STXBP5L: variants seen among roughly 807,000 people sequenced by gnomAD.
STXBP5L encodes syntaxin-binding protein 5-like.
Under a neutral mutation model 144.5 loss-of-function variants are expected in STXBP5L, and 65 were observed. The ratio of observed to expected loss-of-function variants is 0.45; its 90% CI spans 0.37 to 0.55. The LOEUF (loss-of-function observed/expected upper bound fraction) is 0.55, where lower values mean the gene tolerates loss of function less well. STXBP5L is among the 20% of genes least tolerant of loss of function. STXBP5L has a pLI of 0.00. For missense variants in STXBP5L, 1,298 were observed against 1,405.5 expected (o/e 0.92, Z 1.22); for synonymous variants, 505 against 469.6 (o/e 1.08, Z -0.97).
chr3:121,372,519 C>T (rs568827671), intron 20 of STXBP5L, among the ~76,000 whole-genome samples: 1 of 152,290 alleles, frequency 6.6e-6, no homozygotes, highest in African/African-American at 2.4e-5. Context: ...TGCTGGGATT[C>T]CAGAGGCCCA....
At chr3:121,003,488 C>A (rs1261238435) in intron 3 of STXBP5L, among the ~76,000 whole-genome samples, 1 of 152,162 alleles carries the variant, frequency 6.6e-6, no homozygotes, top group Non-Finnish European at 1.5e-5. Context: ...AAAATTTTCT[C>A]CCATGCTCTA....
At chr3:120,984,262 A>T (rs569888182) in intron 3 of STXBP5L, among the ~76,000 whole-genome samples, 1 of 152,142 alleles carries the variant, frequency 6.6e-6, no homozygotes, top group African/African-American at 2.4e-5. Flanking sequence ...GCCTAAAATG[A>T]CTTTTTCTTT....
chr3:121,041,684 A>G lies in STXBP5L; in HGVS notation c.288-16A>G. 6.3e-7 allele frequency: 1 copy of G among 1,595,476 alleles called. No individual in the cohort carries two copies. The highest frequency in any genetic ancestry group is 8.6e-7 in the Non-Finnish European group (1 of 1,163,874). ...GCTAATTAAAATGTTAGAATCCTTG[A>G]CTTTTATTATATTAGACTCGGGAGA... On this transcript the variant is annotated splice_polypyrimidine_tract_variant and intron_variant, in intron 3 of 26. Coordinates refer to ENST00000471454, the MANE Select transcript of STXBP5L (RefSeq NM_001308330.2).
In STXBP5L at chr3:120,961,380, C is replaced by T. The variant is rs142692270; in HGVS notation, c.287+6343C>T. ...ATGTTTGTAGCTGCACCCATCAACT[C>T]ATCATTTACATTAGGTATTTCTCCT... On this transcript the variant is annotated intron_variant, in intron 3 of 26. Transcript: ENST00000471454. 4.5e-3 allele frequency among the ~76,000 whole-genome samples: 689 copies of T among 151,968 alleles called. 4 individuals are homozygous for T. The highest frequency in any genetic ancestry group is 0.016 in the African/African-American group (658 of 41,464).
At chr3:120,926,356 C>CTTTTT (rs35029446) in intron 2 of STXBP5L, among the ~76,000 whole-genome samples, 6 of 139,738 alleles carry the variant, frequency 4.3e-5, no homozygotes, top group Non-Finnish European at 7.7e-5. Context: ...GATGGCAGTT[C>CTTTTT]TTTTTTTTTT....
At chr3:121,113,386 G>C (rs969183097) in intron 5 of STXBP5L, among the ~76,000 whole-genome samples, 2 of 152,090 alleles carry the variant, frequency 1.3e-5, no homozygotes, top group African/African-American at 4.8e-5. Flanking sequence ...TGACCATCAA[G>C]TTATTTCCTG....
At chr3:121,134,181 A>G (rs1281107217) in intron 7 of STXBP5L, among the ~76,000 whole-genome samples, 1 of 151,896 alleles carries the variant, frequency 6.6e-6, no homozygotes, top group Non-Finnish European at 1.5e-5. Context: ...GCTGGTAGGG[A>G]CTCTGTGGTG....
At chr3:120,991,683 G>T (rs970348340) in intron 3 of STXBP5L, among the ~76,000 whole-genome samples, 2 of 151,812 alleles carry the variant, frequency 1.3e-5, no homozygotes, top group Non-Finnish European at 2.9e-5. Context: ...CCTTTGTAGG[G>T]ACGTGGTTGA....
intron 19 of STXBP5L, among the ~76,000 whole-genome samples, chr3:121,314,357 C>A (rs1047447570): frequency 2.2e-5 from 3 of 136,352 alleles, no homozygotes; most frequent in African/African-American, 5.6e-5. Flanking sequence ...CTCGGGAGGC[C>A]GAGGCTGGCG....
chr3:120,924,373 A>G (rs997632994), intron 2 of STXBP5L, among the ~76,000 whole-genome samples: 1 of 152,206 alleles, frequency 6.6e-6, no homozygotes, highest in East Asian at 1.9e-4. Flanking sequence ...CTATTTATTC[A>G]TATTATTAAA....
At chr3:121,417,248 G>A (rs994306618) in intron 25 of STXBP5L, among the ~76,000 whole-genome samples, 1 of 152,118 alleles carries the variant, frequency 6.6e-6, no homozygotes, top group Non-Finnish European at 1.5e-5. Flanking sequence ...AGATAGTGGT[G>A]ATGGTCGTAC....
chr3:121,324,469 T>C (rs1393181307), intron 20 of STXBP5L: 2 of 671,798 alleles, frequency 3.0e-6, no homozygotes, highest in East Asian at 2.7e-5. Context: ...TCCATGCCAA[T>C]AGTTTTATAT....
intron 9 of STXBP5L, among the ~76,000 whole-genome samples, chr3:121,187,316 C>T (rs1235582336): frequency 6.7e-6 from 1 of 149,844 alleles, no homozygotes; most frequent in Non-Finnish European, 1.5e-5. Flanking sequence ...AAAACAAACA[C>T]TGCATGTTCT....
chr3:121,167,489 G>C (rs748011518), intron 9 of STXBP5L, among the ~76,000 whole-genome samples: 3 of 152,024 alleles, frequency 2.0e-5, no homozygotes, highest in Non-Finnish European at 4.4e-5. Flanking sequence ...CCCACTTTAG[G>C]GAAGTGGCGT....
intron 19 of STXBP5L, among the ~76,000 whole-genome samples, chr3:121,308,077 G>C (rs1195224608): frequency 6.6e-6 from 1 of 152,140 alleles, no homozygotes; most frequent in Non-Finnish European, 1.5e-5. Context: ...CTTATATCCA[G>C]AGGGGAACAA....
chr3:121,265,642 A>G (rs1577333326), intron 18 of STXBP5L, among the ~76,000 whole-genome samples: 1 of 152,208 alleles, frequency 6.6e-6, no homozygotes, highest in South Asian at 2.1e-4. Context: ...TGAAGGTGAT[A>G]GAGACATGGA....
chr3:121,160,124 AG>A (rs1314918441), intron 9 of STXBP5L, among the ~76,000 whole-genome samples: 1 of 152,180 alleles, frequency 6.6e-6, no homozygotes, highest in Non-Finnish European at 1.5e-5. Flanking sequence ...CAAATAGGTC[AG>A]GGTAGTTGAT....
chr3:120,964,100 T>C (rs1394437553), intron 3 of STXBP5L, among the ~76,000 whole-genome samples: 1 of 152,250 alleles, frequency 6.6e-6, no homozygotes, highest in Non-Finnish European at 1.5e-5. Context: ...TTTGTATTTC[T>C]GCAGGATCGG....
intron 19 of STXBP5L, among the ~76,000 whole-genome samples, chr3:121,302,112 G>C (rs1370009995): frequency 1.3e-5 from 2 of 152,190 alleles, no homozygotes; most frequent in African/African-American, 4.8e-5. Flanking sequence ...AATAGTTTCA[G>C]AAGGAATGAT....
Sources: allele counts gnomAD v4.1 joint callset (sites outside exome capture counted in the v4.1 genomes callset), GRCh38; gene constraint gnomAD v4.1.1; transcripts MANE v1.5; gene names NCBI Gene and HGNC (gene_info 2026-07-23, HGNC 2026-07-21).